KBTBD11: variants seen among roughly 807,000 people sequenced by gnomAD.
KBTBD11 encodes the protein kelch repeat and BTB domain-containing protein 11.
For synonymous variants in KBTBD11, 747 were observed against 499.0 expected (o/e 1.50, Z -6.63); for missense variants, 1,390 against 1,001.8 (o/e 1.39, Z -5.23).
At chr8:1,974,697 C>G (rs1816265065) in intron 1 of KBTBD11, 1 of 985,406 alleles carries the variant, frequency 1.0e-6, no homozygotes, top group Non-Finnish European at 1.2e-6. Flanking sequence ...GCGGTCTGGG[C>G]GGGATTCCGC....
At chr8:1,994,923 A>C (rs4517166) in intron 1 of KBTBD11, among the ~76,000 whole-genome samples, 44,203 of 151,820 alleles carry the variant, frequency 0.29, 6,566 homozygotes, top group Non-Finnish European at 0.31. Flanking sequence ...GCCAGGCGTG[A>C]TGGTGGGTGC....
At chr8:1,993,725 A>G (rs1817022210) in intron 1 of KBTBD11, among the ~76,000 whole-genome samples, 1 of 151,894 alleles carries the variant, frequency 6.6e-6, no homozygotes, top group Non-Finnish European at 1.5e-5. Context: ...TGGTGCTAAA[A>G]TAAGACTTTC....
rs559983541 is a variant in KBTBD11, at chr8:1,974,422, C to T, written c.-909+487C>T. 7.1e-6 allele frequency: 7 copies of T among 984,730 alleles called. No homozygotes were observed. The African/African-American group carries it at 1.2e-4, about 17-fold the overall frequency. The allele number at this position is 984,730 out of a possible 1,614,324, so 61.0% of individuals were successfully genotyped here. ...GCGCGCGGGGCCAGGGCGGGGGCTC[C>T]TCCCGGGGTTGCTCCGCTTGGCTCT... On this transcript the variant is annotated intron_variant, in intron 1 of 1. Transcript: ENST00000320248.
chr8:1,975,272 T>G (rs1412504781), intron 1 of KBTBD11: 1 of 152,294 alleles, frequency 6.6e-6, no homozygotes, highest in Non-Finnish European at 1.5e-5. Context: ...CAGGCATTGC[T>G]GGCCATAGCA....
chr8:1,984,767 G>C (rs1223501488), intron 1 of KBTBD11, among the ~76,000 whole-genome samples: 1 of 152,100 alleles, frequency 6.6e-6, no homozygotes, highest in African/African-American at 2.4e-5. Context: ...TAGTTTAGTG[G>C]CATCTCCTGC....
Position 2,003,027 on chromosome 8 carries a change from C to A in KBTBD11, c.1835C>A (p.Pro612His). 1 of 1,275,556 alleles carries A rather than the reference C, an allele frequency of 7.8e-7. No homozygotes were observed. The highest frequency in any genetic ancestry group is 9.9e-7 in the Non-Finnish European group (1 of 1,010,036). 79.0% of individuals were successfully genotyped at this position (1,275,556 alleles called of 1,614,324 possible). Reference protein sequence around the residue: ...GVLIPFALSLPEKPPRGEQGA... With the variant: ...GVLIPFALSLHEKPPRGEQGA... ...CTCATCCCGTTCGCTCTCAGCCTGC[C>A]TGAGAAGCCGCCCCGAGGGGAGCAG... Residue 612 changes from proline (P) to histidine (H), a missense_variant, in exon 2 of 2, where the codon CCT (proline) becomes CAT (histidine). Physicochemically the swap from Pro to His is moderately conservative, Grantham distance 77. Coordinates refer to ENST00000320248, the MANE Select transcript of KBTBD11 (RefSeq NM_014867.3).
intron 1 of KBTBD11, among the ~76,000 whole-genome samples, chr8:1,987,138 G>C (rs1461820248): frequency 1.3e-5 from 2 of 151,918 alleles, no homozygotes; most frequent in Non-Finnish European, 2.9e-5. Context: ...CTCTTCAGAA[G>C]TGATCAATAC....
At chr8:1,988,539 A>AGT (rs1400834247) in intron 1 of KBTBD11, among the ~76,000 whole-genome samples, 2 of 152,194 alleles carry the variant, frequency 1.3e-5, no homozygotes, top group Non-Finnish European at 2.9e-5. Flanking sequence ...TCTTTTGAGA[A>AGT]GTGTCTGTTC....
chr8:1,986,875 G>C (rs1355660656), intron 1 of KBTBD11, among the ~76,000 whole-genome samples: 2 of 151,936 alleles, frequency 1.3e-5, no homozygotes, highest in African/African-American at 4.8e-5. Flanking sequence ...TTGTTTGTTT[G>C]TAAGAAACTA....
Position 2,001,436 on chromosome 8 carries a change from A to G in KBTBD11, c.244A>G (p.Ser82Gly). The change falls in exon 2 of 2, where the codon AGC becomes GGC. Residue 82 changes from serine (S) to glycine (G), a missense_variant. By Grantham distance (56) the Ser-to-Gly change is moderately conservative (BLOSUM62 0). Transcript: ENST00000320248. The part of the protein sequence containing the change: ...RVVERQWEAG[S>G]AGAASPEELA... ...GGTGGAGCGGCAGTGGGAGGCCGGC[A>G]GCGCGGGCGCCGCGTCCCCGGAGGA... The G allele has an allele frequency of 1.5e-6, 2 of 1,358,652 alleles. No individual in the cohort carries two copies. The highest frequency in any genetic ancestry group is 1.9e-6 in the Non-Finnish European group (2 of 1,063,582). 84.2% of individuals were successfully genotyped at this position (1,358,652 alleles called of 1,614,324 possible).
Position 2,001,618 on chromosome 8 carries a change from G to T in KBTBD11, c.426G>T (p.Leu142=). 6.8e-7 allele frequency: 1 copy of T among 1,477,212 alleles called. No homozygotes were observed. The highest frequency in any genetic ancestry group is 8.9e-7 in the Non-Finnish European group (1 of 1,119,386). 91.5% of individuals were successfully genotyped at this position (1,477,212 alleles called of 1,614,324 possible). A position where few individuals can be genotyped will look rare whatever the true frequency, so the allele number is the denominator to read the frequency against. ...GFGAVYGEPD[L]VLEVSGRRLR... is the part of the protein sequence containing the mutation. ...GGGCGGTGTACGGGGAGCCGGACCT[G>T]GTGCTGGAGGTGTCGGGGCGCCGGC... is the stretch of plus-strand genomic sequence containing the variant. Residue 142 remains leucine (L), a synonymous_variant, in exon 2 of 2, where the codon CTG becomes CTT. Transcript: ENST00000320248.
Position 2,002,647 on chromosome 8 carries a change from C to T in KBTBD11, c.1455C>T (p.Cys485=). ...PRRDEWQECP[C]SSSRERSADM... is the part of the protein sequence containing the mutation. ...GCGACGAGTGGCAGGAGTGCCCGTG[C>T]AGCAGCAGCCGCGAGCGCTCGGCCG... Residue 485 remains cysteine, a synonymous_variant, in exon 2 of 2, where the codon TGC becomes TGT. Coordinates refer to ENST00000320248, the MANE Select transcript of KBTBD11 (RefSeq NM_014867.3). The surrounding 1 kb of genome is among the most constrained non-coding windows in gnomAD (Gnocchi z 4.1). 1 of 1,577,044 alleles carries T rather than the reference C, an allele frequency of 6.3e-7. No homozygotes were observed. Among genetic ancestry groups the T allele is most frequent in the Non-Finnish European group, 8.5e-7 (1 of 1,170,628 alleles).
In KBTBD11 at chr8:1,986,514, C is replaced by T. The variant is rs1040417189; in HGVS notation, c.-909+12579C>T. ...TGGACAAGTCTCTCTTTTATGAAACCAACAGCTCAGAACTTTAAAAAGGAC... is the reference window on the plus strand; with the variant it reads ...TGGACAAGTCTCTCTTTTATGAAACTAACAGCTCAGAACTTTAAAAAGGAC... On this transcript the variant is annotated intron_variant, in intron 1 of 1. Coordinates refer to ENST00000320248, the MANE Select transcript of KBTBD11 (RefSeq NM_014867.3). 1.3e-4 allele frequency among the ~76,000 whole-genome samples: 20 copies of T among 152,242 alleles called. No homozygotes were observed. In the East Asian group the frequency reaches 3.7e-3, roughly 28 times the overall value.
intron 1 of KBTBD11, chr8:1,974,757 T>C (rs1432155158): frequency 1.3e-5 from 12 of 950,372 alleles, no homozygotes; most frequent in Non-Finnish European, 1.4e-5. Context: ...GAAAAGAGGG[T>C]GAACCAAAGT....
rs551841702 is a variant in KBTBD11 at position 2,001,909 on chromosome 8, C to A, written c.717C>A (p.Val239=). 108 of 1,450,336 alleles carry A rather than the reference C, an allele frequency of 7.4e-5. 1 individual carries two copies. In the East Asian group the frequency reaches 1.7e-3, roughly 23 times the overall value. 89.8% of individuals were successfully genotyped at this position (1,450,336 alleles called of 1,614,324 possible). Reference sequence around the variant, plus strand: ...TGAGCCTGGCCAACTGCTACGAGGTCCTGAGCGCGGCCAAGCGGCAGCGGC... The same window carrying A: ...TGAGCCTGGCCAACTGCTACGAGGTACTGAGCGCGGCCAAGCGGCAGCGGC... The part of the protein sequence containing the change: ...PQLSLANCYE[V]LSAAKRQRLN... Residue 239 remains valine (V), a synonymous_variant, in exon 2 of 2, where the codon GTC becomes GTA. Coordinates refer to ENST00000320248, the MANE Select transcript of KBTBD11 (RefSeq NM_014867.3).
At chr8:1,974,565 C>T (rs901307547) in intron 1 of KBTBD11, 46 of 985,084 alleles carry the variant, frequency 4.7e-5, no homozygotes, top group Non-Finnish European at 2.3e-5. Context: ...GCGGGGGTGT[C>T]CTGGCTGCTG....
At chr8:1,979,463 C>G (rs1042988881) in intron 1 of KBTBD11, among the ~76,000 whole-genome samples, 2 of 152,176 alleles carry the variant, frequency 1.3e-5, no homozygotes, top group African/African-American at 2.4e-5. Flanking sequence ...AACCCCGTCT[C>G]TACTAAAAAC....
chr8:1,977,945 A>G lies in KBTBD11; in HGVS notation c.-909+4010A>G, dbSNP rs76224817. Among the ~76,000 whole-genome samples, 412 of 152,348 alleles carry G rather than the reference A, an allele frequency of 2.7e-3. 2 individuals carry two copies. Among genetic ancestry groups the G allele is most frequent in the African/African-American group, 9.5e-3 (396 of 41,582 alleles). On this transcript the variant is annotated intron_variant, in intron 1 of 1. Transcript: ENST00000320248. ...TATTCGTATCACGACCCTTGTTCCAATATCATGGTGGTTCAATAAGCCATG... is the reference window on the plus strand; with the variant it reads ...TATTCGTATCACGACCCTTGTTCCAGTATCATGGTGGTTCAATAAGCCATG...
Position 1,984,732 on chromosome 8 carries a change from G to T in KBTBD11, c.-909+10797G>T, listed in dbSNP as rs140572042. On this transcript the variant is annotated intron_variant, in intron 1 of 1. Transcript: ENST00000320248. ...AACTCATAGCATTTGGGCAGATGTG[G>T]CAGACTTTTGAAACAAACTGTGATT... 3.0e-3 allele frequency among the ~76,000 whole-genome samples: 455 copies of T among 152,246 alleles called. 8 individuals carry two copies. Among genetic ancestry groups the T allele is most frequent in the African/African-American group, 0.011 (443 of 41,528 alleles).
Sources: gnomAD v4.1 joint callset for allele counts (sites outside exome capture counted in the v4.1 genomes callset) on GRCh38, gnomAD v4.1.1 for gene constraint, Gnocchi (gnomAD v3.1) non-coding constraint, MANE v1.5 for transcripts, NCBI Gene and HGNC (gene_info 2026-07-23, HGNC 2026-07-21) for gene names.